Variants in SND1 observed in about 807,000 individuals in gnomAD.
SND1 encodes the protein staphylococcal nuclease and tudor domain containing 1, also known as staphylococcal nuclease domain-containing protein 1.
A neutral mutation model predicts 121.7 loss-of-function variants in SND1; 38 were observed. That is an observed-to-expected ratio of 0.31 (90% CI 0.24 to 0.41). The LOEUF (loss-of-function observed/expected upper bound fraction) is 0.41, where lower values mean the gene tolerates loss of function less well. SND1 is among the 10% of genes least tolerant of loss of function. The pLI, the probability that SND1 is intolerant of heterozygous loss-of-function variation, is 1.00. For synonymous variants in SND1, 401 were observed against 447.4 expected (o/e 0.90, Z 1.31); for missense variants, 868 against 1,184.6 (o/e 0.73, Z 3.92).
In SND1 at chr7:128,052,555, G is replaced by A. The variant is rs894924770; in HGVS notation, c.1780-21947G>A. On this transcript the variant is annotated intron_variant, in intron 16 of 23. Coordinates refer to ENST00000354725, the MANE Select transcript of SND1 (RefSeq NM_014390.4). The surrounding 1 kb of genome is among the most constrained non-coding windows in gnomAD (Gnocchi z 4.6). ...CAGACAGAGCTGTCTTCCAAGTCAC[G>A]GATGTTGACGAGGCCTGTGTGTGTA... Among the ~76,000 whole-genome samples the A allele has an allele frequency of 3.3e-5, 5 of 152,234 alleles. No homozygotes were observed. The highest frequency in any genetic ancestry group is 3.8e-4 in the East Asian group (2 of 5,206).
At chr7:127,829,382 T>C (rs1014564136) in intron 11 of SND1, among the ~76,000 whole-genome samples, 2 of 152,316 alleles carry the variant, frequency 1.3e-5, no homozygotes, top group Admixed American at 1.3e-4. Context: ...GAAAGATTTC[T>C]TCCTCATTAT....
intron 14 of SND1, among the ~76,000 whole-genome samples, chr7:127,915,872 G>C (rs1800563192): frequency 2.0e-5 from 3 of 152,212 alleles, no homozygotes; most frequent in Admixed American, 2.0e-4. Flanking sequence ...GCAATGTGAG[G>C]ATAGTAATGG....
chr7:128,071,839 G>T (rs1004549810), intron 16 of SND1, among the ~76,000 whole-genome samples: 1 of 152,198 alleles, frequency 6.6e-6, no homozygotes, highest in Non-Finnish European at 1.5e-5. Flanking sequence ...CAGCTTTATC[G>T]CCATCTACAA....
intron 1 of SND1, among the ~76,000 whole-genome samples, chr7:127,685,714 TA>T (rs1161733316): frequency 6.6e-6 from 1 of 152,204 alleles, no homozygotes; most frequent in Non-Finnish European, 1.5e-5. Context: ...TTGGGAGCCT[TA>T]AGGTGTTTAT....
chr7:127,721,260 T>C, intron 9 of SND1, 27 bp from the exon 10 acceptor site: 1 of 1,549,250 alleles, frequency 6.5e-7, no homozygotes, highest in Non-Finnish European at 8.9e-7. Flanking sequence ...TAGAAGCAGG[T>C]TTAAGCATGT....
chr7:127,796,627 T>G (rs1798032188), intron 10 of SND1, among the ~76,000 whole-genome samples: 1 of 152,218 alleles, frequency 6.6e-6, no homozygotes, highest in South Asian at 2.1e-4. Flanking sequence ...CTTCTGTCCC[T>G]TGACATTTTT....
chr7:127,895,146 C>T (rs117244760), intron 13 of SND1, among the ~76,000 whole-genome samples: 2,624 of 152,132 alleles, frequency 0.017, 34 homozygotes, highest in Non-Finnish European at 0.026. Context: ...CTTATCTTCT[C>T]AACAGTTTAA....
intron 10 of SND1, among the ~76,000 whole-genome samples, chr7:127,780,030 AAGGTAGGATTC>A (rs1797691436): frequency 6.6e-6 from 1 of 152,088 alleles, no homozygotes; most frequent in African/African-American, 2.4e-5. Flanking sequence ...AGCTCCTTTG[AAGGTAGGATTC>A]AGGTTTGATT....
chr7:127,875,170 G>C (rs758265324), intron 12 of SND1, among the ~76,000 whole-genome samples: 6 of 152,088 alleles, frequency 3.9e-5, no homozygotes, highest in Non-Finnish European at 7.4e-5. Flanking sequence ...CTATGACTCA[G>C]TCAGTTATTA....
At chr7:127,896,494 C>T (rs1488711686) in intron 13 of SND1, among the ~76,000 whole-genome samples, 2 of 152,116 alleles carry the variant, frequency 1.3e-5, no homozygotes, top group South Asian at 2.1e-4. Context: ...ACCCTGCCCC[C>T]TGCAGTCTAA....
At chr7:128,062,597 TGTTCA>T (rs1793249210) in intron 16 of SND1, among the ~76,000 whole-genome samples, 1 of 152,236 alleles carries the variant, frequency 6.6e-6, no homozygotes, top group African/African-American at 2.4e-5. Flanking sequence ...GAATTATCTC[TGTTCA>T]GTTATCTGTT....
intron 13 of SND1, among the ~76,000 whole-genome samples, chr7:127,891,300 T>C (rs1800005492): frequency 6.6e-6 from 1 of 152,068 alleles, no homozygotes; most frequent in Admixed American, 6.6e-5. Context: ...AGTGGCACAA[T>C]CATGACTCAC....
At chr7:127,684,290 T>C (rs1406776055) in intron 1 of SND1, among the ~76,000 whole-genome samples, 1 of 152,218 alleles carries the variant, frequency 6.6e-6, no homozygotes, top group East Asian at 1.9e-4. Context: ...CCCCTGGGAA[T>C]GCGTTATTAC....
intron 11 of SND1, among the ~76,000 whole-genome samples, chr7:127,836,948 G>A (rs915433849): frequency 6.6e-6 from 1 of 152,142 alleles, no homozygotes; most frequent in Non-Finnish European, 1.5e-5. Flanking sequence ...TTTTCCCTCA[G>A]TGTATAAATT....
chr7:128,030,501 G>A (rs767665509), intron 16 of SND1: 2 of 1,613,474 alleles, frequency 1.2e-6, no homozygotes, highest in Non-Finnish European at 8.5e-7. Flanking sequence ...GCAGACGGAG[G>A]GGCAGTTCTG....
chr7:127,745,594 A>G (rs1002372700), intron 10 of SND1, among the ~76,000 whole-genome samples: 1 of 152,198 alleles, frequency 6.6e-6, no homozygotes, highest in Admixed American at 6.5e-5. Flanking sequence ...GTGACTAATG[A>G]TGATAGCGAG....
Position 128,075,069 on chromosome 7 carries a change from G to A in SND1, c.1968+379G>A, listed in dbSNP as rs1002727109. Among the ~76,000 whole-genome samples the A allele has an allele frequency of 4.6e-5, 7 of 152,328 alleles. No individual in the cohort carries two copies. The East Asian group carries it at 5.8e-4, about 13-fold the overall frequency. On this transcript the variant is annotated intron_variant, in intron 17 of 23. Coordinates refer to ENST00000354725, the MANE Select transcript of SND1 (RefSeq NM_014390.4). ...TCTGTCAGTGCCCTCAGGACTGGGC[G>A]GCCCAAGCCCACATCTGAATTTCCT...
intron 16 of SND1, among the ~76,000 whole-genome samples, chr7:128,039,650 T>C (rs1404983915): frequency 6.6e-6 from 1 of 152,176 alleles, no homozygotes; most frequent in African/African-American, 2.4e-5. Flanking sequence ...GTTGTGAATA[T>C]GTGAGGAGTG....
At chr7:128,040,436 TTAAAAAA>T (rs1235332157) in intron 16 of SND1, among the ~76,000 whole-genome samples, 1 of 55,652 alleles carries the variant, frequency 1.8e-5, no homozygotes, top group Non-Finnish European at 3.3e-5. Context: ...GGTCCTATCT[TTAAAAAA>T]AAAAAAAAAA....
Sources: gnomAD v4.1 joint callset for allele counts (sites outside exome capture counted in the v4.1 genomes callset) on GRCh38, gnomAD v4.1.1 for gene constraint, Gnocchi (gnomAD v3.1) non-coding constraint, MANE v1.5 for transcripts, NCBI Gene and HGNC (gene_info 2026-07-23, HGNC 2026-07-21) for gene names.